Variants in VPS35L observed in about 807,000 individuals in gnomAD.
VPS35L encodes the protein VPS35 endosomal protein-sorting factor-like.
Under a neutral mutation model 133.0 loss-of-function variants are expected in VPS35L, and 83 were observed. The observed-to-expected ratio is 0.62, with a 90% confidence interval of 0.52 to 0.75. VPS35L has a LOEUF of 0.75. Ranked by LOEUF, VPS35L falls within the 30% of genes least tolerant of loss-of-function variation. The pLI, the probability that VPS35L is intolerant of heterozygous loss-of-function variation, is 0.00. For missense variants in VPS35L, 1,083 were observed against 1,206.8 expected, an observed-to-expected ratio of 0.90 and a Z score of 1.52; for synonymous variants, 423 against 449.9, an observed-to-expected ratio of 0.94 and a Z score of 0.76.
chr16:19,563,341 A>G (rs1971086174), intron 1 of VPS35L, among the ~76,000 whole-genome samples: 1 of 151,604 alleles, frequency 6.6e-6, no homozygotes, highest in Non-Finnish European at 1.5e-5. Context: ...AAAAGGAAAA[A>G]TTCTGTTTGG....
intron 22 of VPS35L, among the ~76,000 whole-genome samples, chr16:19,644,426 C>T (rs543769163): frequency 4.6e-5 from 7 of 152,092 alleles, no homozygotes; most frequent in Middle Eastern, 3.2e-3. Context: ...TTGGGGAGAA[C>T]GGGGTCTCGT....
At chr16:19,558,755 T>C (rs1267968995) in intron 1 of VPS35L, among the ~76,000 whole-genome samples, 1 of 151,010 alleles carries the variant, frequency 6.6e-6, no homozygotes, top group Non-Finnish European at 1.5e-5. Context: ...ACCCTGTCTC[T>C]ACTAGAAAAA....
intron 7 of VPS35L, among the ~76,000 whole-genome samples, chr16:19,588,158 A>AGTATGTATGTATGTATGTAT (rs71146263): frequency 0.012 from 1,698 of 147,540 alleles, 17 homozygotes; most frequent in African/African-American, 0.025. Flanking sequence ...GGGTAATATA[A>AGTATGTATGTATGTATGTAT]GTATGTATGT....
rs774206666 is a variant in VPS35L at position 19,644,959 on chromosome 16, A to G, written c.1929+10A>G. 5 of 1,569,890 alleles carry G rather than the reference A, an allele frequency of 3.2e-6. No individual in the cohort carries two copies. The African/African-American group carries it at 6.8e-5, about 21-fold the overall frequency. ...TGGATTTATAAAAATGGTAAGTATT[A>G]GGGAAGAAGTTTCAGTGCACTTGGA... is the stretch of plus-strand genomic sequence containing the variant. On this transcript the variant is annotated intron_variant, in intron 23 of 30. Transcript: ENST00000417362.
chr16:19,602,127 C>G (rs1256293725), intron 9 of VPS35L, among the ~76,000 whole-genome samples: 2 of 152,086 alleles, frequency 1.3e-5, no homozygotes, highest in African/African-American at 4.8e-5. Flanking sequence ...GTAATTGATG[C>G]TTTGAATTCA....
intron 20 of VPS35L, among the ~76,000 whole-genome samples, chr16:19,637,958 T>C (rs535510780): frequency 6.6e-6 from 1 of 152,380 alleles, no homozygotes; most frequent in African/African-American, 2.4e-5. Flanking sequence ...GACAGCCTTC[T>C]CTTACTTTGC....
intron 14 of VPS35L, among the ~76,000 whole-genome samples, chr16:19,624,449 A>G (rs1973195678): frequency 6.6e-6 from 1 of 151,798 alleles, no homozygotes; most frequent in African/African-American, 2.4e-5. Flanking sequence ...GCCAGGCATG[A>G]TGGCACACAC....
In VPS35L at chr16:19,668,332, C is replaced by T. The variant is rs552703782; in HGVS notation, c.2222-828C>T. Reference sequence around the variant, plus strand: ...TTGTTTTGACCTTGAGGCTTTTTCTCACGGTCAATACCTTGGCAGTTTTAG... The same window carrying T: ...TTGTTTTGACCTTGAGGCTTTTTCTTACGGTCAATACCTTGGCAGTTTTAG... On this transcript the variant is annotated intron_variant, in intron 26 of 30. Coordinates refer to ENST00000417362, the MANE Select transcript of VPS35L (RefSeq NM_020314.7). Among the ~76,000 whole-genome samples the T allele has an allele frequency of 2.0e-5, 3 of 152,248 alleles. No individual in the cohort carries two copies. In the South Asian group the frequency reaches 6.2e-4, roughly 32 times the overall value.
At chr16:19,594,878 G>A (rs768493848) in intron 8 of VPS35L, among the ~76,000 whole-genome samples, 3 of 152,138 alleles carry the variant, frequency 2.0e-5, no homozygotes, top group Admixed American at 6.5e-5. Flanking sequence ...AGGAAGCCTC[G>A]TTGAGAGGTT....
At chr16:19,569,015 C>G (rs922945619) in intron 2 of VPS35L, among the ~76,000 whole-genome samples, 2 of 152,084 alleles carry the variant, frequency 1.3e-5, no homozygotes, top group African/African-American at 4.8e-5. Context: ...AGTAGAAATT[C>G]CCTACTTAGA....
intron 14 of VPS35L, among the ~76,000 whole-genome samples, chr16:19,624,668 A>C (rs1973205017): frequency 6.6e-6 from 1 of 151,678 alleles, no homozygotes; most frequent in Non-Finnish European, 1.5e-5. Context: ...CTGGTCTTGA[A>C]TTCCTGGGCT....
intron 26 of VPS35L, 24 bp downstream of exon 26, chr16:19,652,114 C>G: frequency 6.8e-7 from 1 of 1,475,952 alleles, no homozygotes; most frequent in South Asian, 1.2e-5. Flanking sequence ...TCTCTCATCT[C>G]GGGCACTCCC....
At chr16:19,682,149 G>T (rs1392051721) in intron 27 of VPS35L, 76 bp from the exon 28 acceptor site, 1 of 1,506,932 alleles carries the variant, frequency 6.6e-7, no homozygotes, top group Non-Finnish European at 9.1e-7. Context: ...GAGGATCTGG[G>T]CTTCTGTGTT....
At chr16:19,586,878 GCAA>G (rs1971881045) in intron 7 of VPS35L, among the ~76,000 whole-genome samples, 1 of 152,162 alleles carries the variant, frequency 6.6e-6, no homozygotes, top group African/African-American at 2.4e-5. Context: ...AGTTGTCTCA[GCAA>G]CGTTTGTTGA....
intron 9 of VPS35L, among the ~76,000 whole-genome samples, chr16:19,605,815 T>C (rs1334362616): frequency 6.6e-6 from 1 of 152,216 alleles, no homozygotes; most frequent in Non-Finnish European, 1.5e-5. Context: ...TATTATCTTA[T>C]TTGTTTGCCT....
At chr16:19,604,967 A>G (rs1567415888) in intron 9 of VPS35L, among the ~76,000 whole-genome samples, 1 of 152,154 alleles carries the variant, frequency 6.6e-6, no homozygotes, top group Admixed American at 6.5e-5. Context: ...CCAGCTTGGG[A>G]GAGATAATTT....
At chr16:19,688,522 T>A (rs1349227302) in intron 28 of VPS35L, among the ~76,000 whole-genome samples, 1 of 152,190 alleles carries the variant, frequency 6.6e-6, no homozygotes, top group Non-Finnish European at 1.5e-5. Context: ...GCTCTTGGTT[T>A]ATGAGATATC....
chr16:19,595,920 T>G (rs1404732278), intron 8 of VPS35L, among the ~76,000 whole-genome samples: 1 of 152,082 alleles, frequency 6.6e-6, no homozygotes, highest in Non-Finnish European at 1.5e-5. Flanking sequence ...CCAAGGTGGG[T>G]GGACCACAAG....
chr16:19,666,212 G>T (rs1213457877), intron 26 of VPS35L, among the ~76,000 whole-genome samples: 9 of 151,726 alleles, frequency 5.9e-5, no homozygotes, highest in Non-Finnish European at 2.9e-5. Context: ...TTTTGCTTTG[G>T]TTGCCTGTGC....
Sources: allele counts gnomAD v4.1 joint callset (sites outside exome capture counted in the v4.1 genomes callset), GRCh38; gene constraint gnomAD v4.1.1; transcripts MANE v1.5; gene names NCBI Gene and HGNC (gene_info 2026-07-23, HGNC 2026-07-21).